NAPSA: variants seen among roughly 807,000 people sequenced by gnomAD.
The protein encoded by NAPSA is napsin A aspartic peptidase, also known as napsin-A.
A neutral mutation model predicts 36.7 loss-of-function variants in NAPSA; 37 were observed. That is an observed-to-expected ratio of 1.01 (90% CI 0.78 to 1.33). The LOEUF (loss-of-function observed/expected upper bound fraction) is 1.33. NAPSA is among the 40% of genes most tolerant of loss of function. NAPSA has a pLI of 0.00. For synonymous variants in NAPSA, 222 were observed against 234.5 expected (o/e 0.95, Z 0.49); for missense variants, 532 against 543.8 (o/e 0.98, Z 0.21).
At chr19:50,364,026 A>C (rs1201650540) in intron 1 of NAPSA, among the ~76,000 whole-genome samples, 1 of 152,174 alleles carries the variant, frequency 6.6e-6, no homozygotes, top group Non-Finnish European at 1.5e-5. Context: ...AGACCTCTCA[A>C]AAACATGTCC....
Position 50,365,541 on chromosome 19 carries a change from G to A in NAPSA, c.81C>T (p.Ile27=). The A allele has an allele frequency of 6.2e-7, 1 of 1,613,074 alleles. No homozygotes were observed. Among genetic ancestry groups the A allele is most frequent in the South Asian group, 1.1e-5 (1 of 90,878 alleles). ...LNVEPSGATL[I]RIPLHRVQPG... is the part of the protein sequence containing the mutation. ...GGTGGTAGATGGGGTCACCATACCGGATCAGTGTGGCCCCGGAAGGCTCCA... is the reference window on the plus strand; with the variant it reads ...GGTGGTAGATGGGGTCACCATACCGAATCAGTGTGGCCCCGGAAGGCTCCA... The change falls in exon 1 of 9, where the codon ATC becomes ATT. Residue 27 remains isoleucine (I), a splice_region_variant and synonymous_variant. Transcript: ENST00000253719.
chr19:50,365,409 A>T (rs1166134674), intron 1 of NAPSA, 130 bp downstream of exon 1: 1 of 795,010 alleles, frequency 1.3e-6, no homozygotes, highest in Non-Finnish European at 2.1e-6. Context: ...GAGATCTGGA[A>T]AGCTGAGAAA....
chr19:50,368,058 C>G (rs1422698228), upstream of NAPSA, among the ~76,000 whole-genome samples: 1 of 149,808 alleles, frequency 6.7e-6, no homozygotes, highest in Admixed American at 6.7e-5. Context: ...CTCGGAAGGC[C>G]GAGGCAGGAG....
chr19:50,358,874 G>A, intron 8 of NAPSA, 94 bp from the exon 9 acceptor site: 2 of 1,362,994 alleles, frequency 1.5e-6, no homozygotes, highest in East Asian at 2.4e-5. Flanking sequence ...CGGGTTCTTT[G>A]ATGTTCGCCA....
At chr19:50,367,325 T>G (rs1359286291), upstream of NAPSA, among the ~76,000 whole-genome samples, 2 of 152,198 alleles carry the variant, frequency 1.3e-5, no homozygotes, top group East Asian at 3.8e-4. Flanking sequence ...CTGTCCTTTT[T>G]GGGGAGGCTT....
chr19:50,366,651 T>C (rs1163554719), upstream of NAPSA, among the ~76,000 whole-genome samples: 85 of 122,618 alleles, frequency 6.9e-4, no homozygotes, highest in African/African-American at 2.9e-3. Flanking sequence ...GATGAGTTAT[T>C]TATTTATTTA....
At chr19:50,360,474 G>T (rs1350716792) in intron 5 of NAPSA, among the ~76,000 whole-genome samples, 2 of 152,152 alleles carry the variant, frequency 1.3e-5, no homozygotes, top group African/African-American at 2.4e-5. Flanking sequence ...CTTGGATGTT[G>T]GGTGGGACTT....
intron 8 of NAPSA, 42 bp from the exon 9 acceptor site, chr19:50,358,822 G>C: frequency 6.5e-7 from 1 of 1,546,810 alleles, no homozygotes; most frequent in Non-Finnish European, 8.8e-7. Context: ...GCGGCCACAA[G>C]GACGGCCATT....
chr19:50,358,896 T>A, intron 8 of NAPSA, 115 bp downstream of exon 8: 1 of 1,328,724 alleles, frequency 7.5e-7, no homozygotes, highest in Non-Finnish European at 1.0e-6. Flanking sequence ...CAAACTGCCA[T>A]CACAGGGAAA....
chr19:50,365,406 G>T, intron 1 of NAPSA, 133 bp downstream of exon 1: 1 of 786,366 alleles, frequency 1.3e-6, no homozygotes, highest in Non-Finnish European at 2.1e-6. Flanking sequence ...TTAGAGATCT[G>T]GAAAGCTGAG....
chr19:50,364,397 CGA>C (rs2037516179), intron 1 of NAPSA, among the ~76,000 whole-genome samples: 1 of 150,634 alleles, frequency 6.6e-6, no homozygotes, highest in African/African-American at 2.4e-5. Flanking sequence ...GGGTGGATCA[CGA>C]GGTCAGGAGA....
intron 1 of NAPSA, among the ~76,000 whole-genome samples, chr19:50,363,779 G>C (rs2037506402): frequency 6.6e-6 from 1 of 151,996 alleles, no homozygotes; most frequent in South Asian, 2.1e-4. Flanking sequence ...GCCCAGGCTG[G>C]TCTCAAAACT....
chr19:50,359,220 G>T (rs2037438392), intron 7 of NAPSA, 111 bp from the exon 8 acceptor site: 1 of 1,003,958 alleles, frequency 1.0e-6, no homozygotes, highest in Non-Finnish European at 1.5e-6. Flanking sequence ...TGGGTACTCA[G>T]CGTCCTGTGT....
chr19:50,361,563 G>A, intron 4 of NAPSA, 100 bp downstream of exon 4: 1 of 1,022,536 alleles, frequency 9.8e-7, no homozygotes, highest in Non-Finnish European at 1.5e-6. Flanking sequence ...CCCATCCATT[G>A]GCTTGGGAAG....
intron 1 of NAPSA, chr19:50,362,609 A>G (rs2037492602): frequency 4.1e-6 from 1 of 243,858 alleles, no homozygotes. Flanking sequence ...CCAAGACCCT[A>G]ACAGAAAACC....
In NAPSA at chr19:50,362,331, A is replaced by G; in HGVS notation, c.84-18T>C. 29 of 1,578,552 alleles carry G rather than the reference A, an allele frequency of 1.8e-5. No homozygotes were observed. Among genetic ancestry groups the G allele is most frequent in the Non-Finnish European group, 2.5e-5 (29 of 1,161,794 alleles). ...GAGGGATGCTGTAGGGAAAGAGGAT[A>G]TTGACAGGAAGCTGCCCTTCTTGGA... On this transcript the variant is annotated intron_variant, in intron 1 of 8. Coordinates refer to ENST00000253719, the MANE Select transcript of NAPSA (RefSeq NM_004851.3).
At chr19:50,364,540 G>A (rs988300851) in intron 1 of NAPSA, among the ~76,000 whole-genome samples, 6 of 148,396 alleles carry the variant, frequency 4.0e-5, no homozygotes, top group East Asian at 2.0e-4. Context: ...ATGTGAACCC[G>A]GGGGACAGAG....
chr19:50,364,614 C>CAAAA (rs34476647), intron 1 of NAPSA, among the ~76,000 whole-genome samples: 1 of 39,038 alleles, frequency 2.6e-5, no homozygotes, highest in Non-Finnish European at 5.2e-5. Context: ...GACTCAGTCT[C>CAAAA]AAAAAAAAAA....
chr19:50,363,372 C>T (rs1410588278), intron 1 of NAPSA, among the ~76,000 whole-genome samples: 1 of 151,960 alleles, frequency 6.6e-6, no homozygotes. Context: ...GATTGGATTT[C>T]TTTTTCTTCT....
Sources: allele counts gnomAD v4.1 joint callset (sites outside exome capture counted in the v4.1 genomes callset), GRCh38; gene constraint gnomAD v4.1.1; transcripts MANE v1.5; gene names NCBI Gene and HGNC (gene_info 2026-07-23, HGNC 2026-07-21).